FAM241A: variants seen among roughly 807,000 people sequenced by gnomAD.
FAM241A encodes the protein family with sequence similarity 241 member A, also known as uncharacterized protein FAM241A.
Under a neutral mutation model 12.2 loss-of-function variants are expected in FAM241A, and 7 were observed. The ratio of observed to expected loss-of-function variants is 0.58; its 90% CI spans 0.33 to 1.08. The LOEUF (loss-of-function observed/expected upper bound fraction) is 1.08. Among genes scored for constraint, FAM241A ranks in the 50% least tolerant of loss-of-function variants. The pLI is 0.04. For synonymous variants in FAM241A, 74 were observed against 68.2 expected, an observed-to-expected ratio of 1.08 and a Z score of -0.42; for missense variants, 161 against 169.7, an observed-to-expected ratio of 0.95 and a Z score of 0.29.
chr4:112,166,335 G>A (rs901750677), intron 1 of FAM241A, among the ~76,000 whole-genome samples: 1 of 151,878 alleles, frequency 6.6e-6, no homozygotes, highest in Admixed American at 6.6e-5. Context: ...CTCCCAAAGT[G>A]CTGGGAAAAT....
chr4:112,160,255 A>G (rs1723435113), intron 1 of FAM241A, among the ~76,000 whole-genome samples: 1 of 152,020 alleles, frequency 6.6e-6, no homozygotes, highest in African/African-American at 2.4e-5. Flanking sequence ...AAAAAATACA[A>G]AAATTAGCTG....
At position 112,190,564 on chromosome 4, in the gene FAM241A, T is replaced by C. The variant is rs1352001800; in HGVS notation, c.*3626T>C. On this transcript the variant is annotated 3_prime_UTR_variant, in exon 2 of 2. Coordinates refer to ENST00000309733, the MANE Select transcript of FAM241A (RefSeq NM_152400.3). ...AAAATACAAAATTAGCTAGGCGTGG[T>C]GGTGCATGCCTGTAATCTCAGCTAC... 2 of 149,292 alleles carry C rather than the reference T, an allele frequency of 1.3e-5. No homozygotes were observed. The highest frequency in any genetic ancestry group is 4.9e-5 in the African/African-American group (2 of 40,466). The allele number at this position is 149,292 out of a possible 1,614,324, so 9.2% of individuals were successfully genotyped here. A position where few individuals can be genotyped will look rare whatever the true frequency, so the allele number is the denominator to read the frequency against.
intron 1 of FAM241A, among the ~76,000 whole-genome samples, chr4:112,162,016 G>A (rs753629477): frequency 9.9e-5 from 15 of 152,188 alleles, no homozygotes; most frequent in Middle Eastern, 3.4e-3. Flanking sequence ...TACGCAAATC[G>A]ATAAACCTAA....
In FAM241A at chr4:112,187,705, A is replaced by T. The variant is rs1489502326; in HGVS notation, c.*767A>T. 1 of 152,520 alleles carries T rather than the reference A, an allele frequency of 6.6e-6. No individual in the cohort carries two copies. The highest frequency in any genetic ancestry group is 1.5e-5 in the Non-Finnish European group (1 of 67,972). The allele number at this position is 152,520 out of a possible 1,614,324, so 9.4% of individuals were successfully genotyped here. A position where few individuals can be genotyped will look rare whatever the true frequency, so the allele number is the denominator to read the frequency against. On this transcript the variant is annotated 3_prime_UTR_variant, in exon 2 of 2. Transcript: ENST00000309733. ...GCCTAGTTGACTGCACCCTATGGTA[A>T]TGCCATATTTTCTTGTATCTAACAA... is the stretch of plus-strand genomic sequence containing the variant.
rs1018577153 is a variant in FAM241A, at chr4:112,191,669, C to T, written c.*4731C>T. On this transcript the variant is annotated 3_prime_UTR_variant, in exon 2 of 2. Coordinates refer to ENST00000309733, the MANE Select transcript of FAM241A (RefSeq NM_152400.3). ...GACCAATATCTACACAGCCTTAAGA[C>T]CTCAAGTGAGACATCATGTCCTCCA... 6.6e-6 allele frequency: 1 copy of T among 151,940 alleles called. No homozygotes were observed. The highest frequency in any genetic ancestry group is 2.4e-5 in the African/African-American group (1 of 41,204). 9.4% of individuals were successfully genotyped at this position (151,940 alleles called of 1,614,324 possible). A position where few individuals can be genotyped will look rare whatever the true frequency, so the allele number is the denominator to read the frequency against.
In FAM241A at chr4:112,193,173, T is replaced by C. The variant is rs1454948526; in HGVS notation, c.*6235T>C. On this transcript the variant is annotated 3_prime_UTR_variant, in exon 2 of 2. Transcript: ENST00000309733. The stretch of plus-strand genomic sequence containing the variant: ...TTGAGAAGTGTCTGTTCATGTCCTT[T>C]GCCCACTTTTTGATGGGGTTGTTTG... 1.3e-4 allele frequency: 19 copies of C among 151,022 alleles called. No individual in the cohort carries two copies. The highest frequency in any genetic ancestry group is 7.8e-4 in the East Asian group (4 of 5,156). 9.4% of individuals were successfully genotyped at this position (151,022 alleles called of 1,614,324 possible).
chr4:112,162,333 T>G (rs909834890), intron 1 of FAM241A, among the ~76,000 whole-genome samples: 4 of 152,052 alleles, frequency 2.6e-5, no homozygotes, highest in East Asian at 1.9e-4. Flanking sequence ...GAGAAAGAAA[T>G]AAAGGGTATT....
At chr4:112,152,039 C>T (rs768357131) in intron 1 of FAM241A, among the ~76,000 whole-genome samples, 2 of 152,162 alleles carry the variant, frequency 1.3e-5, no homozygotes, top group Non-Finnish European at 1.5e-5. Flanking sequence ...GTGCTATGAG[C>T]TTAGTTGAAT....
At position 112,145,464 on chromosome 4, in the gene FAM241A, CTCCTGT is replaced by C. The variant is rs925779709; in HGVS notation, c.-116_-111del. 1.9e-6 allele frequency: 2 copies of C among 1,050,704 alleles called. No homozygotes were observed. Among genetic ancestry groups the C allele is most frequent in the Admixed American group, 4.6e-5 (1 of 21,790 alleles). The allele number at this position is 1,050,704 out of a possible 1,614,324, so 65.1% of individuals were successfully genotyped here. ...AGGCCGGCGGGGCGCGCTCCGGCGGCTCCTGTCAGCGGCGGGTGCGGCGGATCCCAG... is the reference window on the plus strand; with the variant it reads ...AGGCCGGCGGGGCGCGCTCCGGCGGCCAGCGGCGGGTGCGGCGGATCCCAG... On this transcript the variant is annotated 5_prime_UTR_variant, in exon 1 of 2. Coordinates refer to ENST00000309733, the MANE Select transcript of FAM241A (RefSeq NM_152400.3).
intron 1 of FAM241A, among the ~76,000 whole-genome samples, chr4:112,179,451 C>T (rs968208488): frequency 2.0e-5 from 3 of 151,828 alleles, no homozygotes; most frequent in Admixed American, 6.6e-5. Flanking sequence ...AGCAAACTAT[C>T]GCAAGGACAA....
At chr4:112,161,964 A>G (rs1452226842) in intron 1 of FAM241A, among the ~76,000 whole-genome samples, 1 of 152,190 alleles carries the variant, frequency 6.6e-6, no homozygotes, top group African/African-American at 2.4e-5. Flanking sequence ...ATCCACCACT[A>G]TCAAGTGGGC....
chr4:112,173,259 C>T (rs182875119), intron 1 of FAM241A, among the ~76,000 whole-genome samples: 41 of 152,256 alleles, frequency 2.7e-4, no homozygotes, highest in African/African-American at 9.4e-4. Context: ...TCTTGATTTA[C>T]TTTTTATATT....
At chr4:112,178,235 G>T (rs879516598) in intron 1 of FAM241A, among the ~76,000 whole-genome samples, 1 of 152,110 alleles carries the variant, frequency 6.6e-6, no homozygotes, top group Non-Finnish European at 1.5e-5. Flanking sequence ...ATCTTACATG[G>T]CAAAAGGAAT....
intron 1 of FAM241A, among the ~76,000 whole-genome samples, chr4:112,182,355 G>T (rs1179854100): frequency 6.6e-6 from 1 of 152,204 alleles, no homozygotes; most frequent in East Asian, 1.9e-4. Context: ...GTTGTTACTT[G>T]TAGTAGTTTT....
At chr4:112,162,821 T>C (rs1723505574) in intron 1 of FAM241A, among the ~76,000 whole-genome samples, 1 of 152,158 alleles carries the variant, frequency 6.6e-6, no homozygotes, top group South Asian at 2.1e-4. Context: ...TTAAAGTTCA[T>C]ATGGAACCAA....
At chr4:112,148,210 A>C (rs1723178513) in intron 1 of FAM241A, among the ~76,000 whole-genome samples, 1 of 152,050 alleles carries the variant, frequency 6.6e-6, no homozygotes, top group African/African-American at 2.4e-5. Context: ...GTCCACATAC[A>C]TCCCTTCCTT....
At chr4:112,181,379 G>T (rs543523901) in intron 1 of FAM241A, among the ~76,000 whole-genome samples, 1 of 150,952 alleles carries the variant, frequency 6.6e-6, no homozygotes, top group African/African-American at 2.4e-5. Flanking sequence ...TCTAATGCCT[G>T]CCAGAAAAAT....
At chr4:112,159,576 T>A (rs1560580874) in intron 1 of FAM241A, among the ~76,000 whole-genome samples, 3 of 152,148 alleles carry the variant, frequency 2.0e-5, no homozygotes, top group African/African-American at 7.2e-5. Context: ...AAAAAGGTTA[T>A]TCATCATGAC....
Position 112,158,942 on chromosome 4 carries a change from A to G in FAM241A, c.153+13209A>G, listed in dbSNP as rs114146152. Among the ~76,000 whole-genome samples the G allele has an allele frequency of 5.8e-3, 882 of 152,228 alleles. 4 individuals are homozygous for G. The highest frequency in any genetic ancestry group is 0.011 in the Non-Finnish European group (714 of 67,990). On this transcript the variant is annotated intron_variant, in intron 1 of 1. Coordinates refer to ENST00000309733, the MANE Select transcript of FAM241A (RefSeq NM_152400.3). ...TGAACACTAGATTTTTTCTGACTGTATGATTGTGCTTTATCACCCCTTTTC... is the reference window on the plus strand; with the variant it reads ...TGAACACTAGATTTTTTCTGACTGTGTGATTGTGCTTTATCACCCCTTTTC...
Sources: allele counts gnomAD v4.1 joint callset (sites outside exome capture counted in the v4.1 genomes callset), GRCh38; gene constraint gnomAD v4.1.1; transcripts MANE v1.5; gene names NCBI Gene and HGNC (gene_info 2026-07-23, HGNC 2026-07-21).